Variants in RAP1A observed in about 807,000 individuals in gnomAD.
RAP1A encodes RAP1A, member of RAS oncogene family.
RAP1A carries 6 observed loss-of-function variants against 26.4 expected under a neutral mutation model. That is an observed-to-expected ratio of 0.23 (90% CI 0.12 to 0.45). The LOEUF (loss-of-function observed/expected upper bound fraction) is 0.45. Ranked by LOEUF, RAP1A falls within the 20% of genes least tolerant of loss-of-function variation. The pLI, the probability that RAP1A is intolerant of heterozygous loss-of-function variation, is 0.99. For synonymous variants in RAP1A, 73 were observed against 79.4 expected, an observed-to-expected ratio of 0.92 and a Z score of 0.43; for missense variants, 121 against 217.2, an observed-to-expected ratio of 0.56 and a Z score of 2.78.
chr1:111,669,377 T>C (rs1660906173), intron 1 of RAP1A, among the ~76,000 whole-genome samples: 1 of 152,190 alleles, frequency 6.6e-6, no homozygotes, highest in Admixed American at 6.5e-5. Flanking sequence ...CAAATTGAAA[T>C]GTGTGTAACT....
chr1:111,690,605 T>C (rs1661638696), intron 1 of RAP1A, among the ~76,000 whole-genome samples: 1 of 152,238 alleles, frequency 6.6e-6, no homozygotes, highest in Admixed American at 6.5e-5. Context: ...GAGTTTTATA[T>C]TTTTTTGTTC....
intron 1 of RAP1A, among the ~76,000 whole-genome samples, chr1:111,620,468 G>C (rs987714857): frequency 6.6e-6 from 1 of 152,238 alleles, no homozygotes; most frequent in Non-Finnish European, 1.5e-5. Context: ...GGGGAACGGG[G>C]TTGGAGGGTT....
upstream of RAP1A, among the ~76,000 whole-genome samples, chr1:111,618,610 C>T (rs1172520768): frequency 6.6e-6 from 1 of 152,166 alleles, no homozygotes; most frequent in African/African-American, 2.4e-5. Context: ...TTCAATATCT[C>T]CATTTGGATG....
chr1:111,576,030 C>T (rs895063269), intron 1 of RAP1A, among the ~76,000 whole-genome samples: 1 of 152,188 alleles, frequency 6.6e-6, no homozygotes, highest in Non-Finnish European at 1.5e-5. Context: ...GAAAACTGAA[C>T]CTGCCCTGCA....
chr1:111,663,949 CAGAGTACTCATA>C (rs1660712068), intron 1 of RAP1A, among the ~76,000 whole-genome samples: 3 of 152,190 alleles, frequency 2.0e-5, no homozygotes, highest in Non-Finnish European at 2.9e-5. Context: ...TTGCAATCTA[CAGAGTACTCATA>C]GAGCTTTCTT....
rs534440606 is a variant in RAP1A at position 111,566,004 on chromosome 1, A to G, written c.-28+23495A>G. Among the ~76,000 whole-genome samples, 3 of 152,166 alleles carry G rather than the reference A, an allele frequency of 2.0e-5. No individual in the cohort carries two copies. The South Asian group carries it at 6.2e-4, about 32-fold the overall frequency. On this transcript the variant is annotated intron_variant, in intron 1 of 7. Coordinates refer to the RAP1A transcript ENST00000356415. Reference sequence around the variant, plus strand: ...GCATGGCACCTTCGAGGAGGAACAAATAACTCAGAATGATGAGTCCTGAAG... The same window carrying G: ...GCATGGCACCTTCGAGGAGGAACAAGTAACTCAGAATGATGAGTCCTGAAG...
At chr1:111,574,751 T>C (rs1277059090) in intron 1 of RAP1A, among the ~76,000 whole-genome samples, 1 of 152,236 alleles carries the variant, frequency 6.6e-6, no homozygotes. Flanking sequence ...CTGTAGTAAA[T>C]AGTTGGAACT....
intron 2 of RAP1A, among the ~76,000 whole-genome samples, chr1:111,692,695 G>A (rs753564748): frequency 2.0e-5 from 3 of 152,022 alleles, no homozygotes; most frequent in Admixed American, 6.6e-5. Flanking sequence ...TATATATACC[G>A]ATATGTAATG....
chr1:111,591,725 G>A (rs1325894411), intron 1 of RAP1A, among the ~76,000 whole-genome samples: 1 of 152,186 alleles, frequency 6.6e-6, no homozygotes. Context: ...CAGAGACCTG[G>A]ATCCTTCTAT....
At chr1:111,672,159 T>C (rs984837925) in intron 1 of RAP1A, among the ~76,000 whole-genome samples, 1 of 152,230 alleles carries the variant, frequency 6.6e-6, no homozygotes, top group Non-Finnish European at 1.5e-5. Context: ...TTGTCTTCCC[T>C]TTCTGTCATT....
At chr1:111,681,780 A>G (rs1265047958) in intron 1 of RAP1A, among the ~76,000 whole-genome samples, 1 of 152,184 alleles carries the variant, frequency 6.6e-6, no homozygotes, top group African/African-American at 2.4e-5. Flanking sequence ...ATGCTCCAGG[A>G]TATTATCCAG....
At chr1:111,593,066 G>A (rs1426305277) in intron 1 of RAP1A, among the ~76,000 whole-genome samples, 1 of 152,130 alleles carries the variant, frequency 6.6e-6, no homozygotes, top group African/African-American at 2.4e-5. Context: ...AGGTGGCTGA[G>A]AGCAGCTGAG....
intron 1 of RAP1A, among the ~76,000 whole-genome samples, chr1:111,663,645 A>G (rs560930717): frequency 6.6e-6 from 1 of 152,342 alleles, no homozygotes; most frequent in East Asian, 1.9e-4. Context: ...GCTTGGATTA[A>G]TTGAATTACC....
At chr1:111,617,494 G>A (rs1196448877), upstream of RAP1A, among the ~76,000 whole-genome samples, 1 of 152,038 alleles carries the variant, frequency 6.6e-6, no homozygotes, top group Non-Finnish European at 1.5e-5. Flanking sequence ...GTGCAGTGGC[G>A]CGATCTCGGC....
intron 1 of RAP1A, among the ~76,000 whole-genome samples, chr1:111,681,849 C>G (rs1447437230): frequency 2.6e-5 from 4 of 152,138 alleles, no homozygotes; most frequent in Non-Finnish European, 5.9e-5. Flanking sequence ...CAGAGAACAT[C>G]ACTAAGATAC....
At chr1:111,709,518 G>A (rs894812437) in intron 7 of RAP1A, among the ~76,000 whole-genome samples, 1 of 152,126 alleles carries the variant, frequency 6.6e-6, no homozygotes, top group African/African-American at 2.4e-5. Context: ...ACAGAGTTGG[G>A]TTTTAAAAAA....
chr1:111,648,207 T>TGTGTGTGTA, intron 1 of RAP1A: 3 of 91,234 alleles, frequency 3.3e-5, no homozygotes, highest in African/African-American at 5.1e-4. Context: ...GTGTGTGTAT[T>TGTGTGTGTA]TTTTTTTTTT....
chr1:111,696,581 A>G (rs941468777), intron 3 of RAP1A, among the ~76,000 whole-genome samples: 1 of 152,324 alleles, frequency 6.6e-6, no homozygotes, highest in East Asian at 1.9e-4. Context: ...AGTTTAAAAT[A>G]GTCTTTAGGT....
At chr1:111,656,414 C>G (rs1038464359) in intron 1 of RAP1A, among the ~76,000 whole-genome samples, 3 of 152,034 alleles carry the variant, frequency 2.0e-5, no homozygotes, top group Non-Finnish European at 4.4e-5. Context: ...TTTTTGAAAC[C>G]ACATTCCCCT....
Sources: gnomAD v4.1 joint callset for allele counts (sites outside exome capture counted in the v4.1 genomes callset) on GRCh38, gnomAD v4.1.1 for gene constraint, MANE v1.5 for transcripts, NCBI Gene and HGNC (gene_info 2026-07-23, HGNC 2026-07-21) for gene names.